WFS1: variants seen among roughly 807,000 people sequenced by gnomAD.
WFS1 encodes wolframin ER transmembrane glycoprotein.
A neutral mutation model predicts 68.5 loss-of-function variants in WFS1; 90 were observed. The ratio of observed to expected loss-of-function variants is 1.31; its 90% CI spans 1.11 to 1.56. WFS1 has a LOEUF of 1.56. Among genes scored for constraint, WFS1 ranks in the 40% most tolerant of loss-of-function variants. The pLI, the probability that WFS1 is intolerant of heterozygous loss-of-function variation, is 0.00. For synonymous variants in WFS1, 860 were observed against 540.7 expected (o/e 1.59, Z -8.19); for missense variants, 1,767 against 1,232.6 (o/e 1.43, Z -6.49).
chr4:6,280,910 A>G (rs893160939), intron 2 of WFS1, among the ~76,000 whole-genome samples: 2 of 152,226 alleles, frequency 1.3e-5, no homozygotes, highest in African/African-American at 4.8e-5. Context: ...GTCTCCGAGC[A>G]GCAGCACTCT....
At chr4:6,295,218 G>C (rs954826295) in intron 7 of WFS1, 29 bp downstream of exon 7, 2 of 1,609,682 alleles carry the variant, frequency 1.2e-6, no homozygotes, top group African/African-American at 2.7e-5. Context: ...GGTCAGGCCG[G>C]AGCCTGCCTC....
In WFS1 at chr4:6,300,951, C is replaced by T; in HGVS notation, c.1156C>T (p.Pro386Ser). ...CACCGACCTGCTGCTGCGCTTCGAGCCCAACCTGGATGTGGAGCAGGCCGA... is the reference window on the plus strand; with the variant it reads ...CACCGACCTGCTGCTGCGCTTCGAGTCCAACCTGGATGTGGAGCAGGCCGA... ...TLTDLLLRFE[P>S]NLDVEQAEVN... Residue 386 changes from proline (P) to serine (S), a missense_variant, in exon 8 of 8, where the codon CCC becomes TCC. Transcript: ENST00000226760. 1.9e-6 allele frequency: 3 copies of T among 1,614,030 alleles called. No individual in the cohort carries two copies. Among genetic ancestry groups the T allele is most frequent in the African/African-American group, 1.3e-5 (1 of 75,028 alleles).
intron 2 of WFS1, among the ~76,000 whole-genome samples, chr4:6,280,448 G>A (rs1377999577): frequency 6.6e-6 from 1 of 152,182 alleles, no homozygotes; most frequent in East Asian, 1.9e-4. Flanking sequence ...CTGGTCCCAG[G>A]TGACCCAGCA....
In WFS1 at chr4:6,287,290, C is replaced by G. The variant is rs1730342623; in HGVS notation, c.315+115C>G. The G allele has an allele frequency of 1.0e-6, 1 of 960,660 alleles. No individual in the cohort carries two copies. The highest frequency in any genetic ancestry group is 2.0e-5 in the Admixed American group (1 of 50,034). 59.5% of individuals were successfully genotyped at this position (960,660 alleles called of 1,614,324 possible). A position where few individuals can be genotyped will look rare whatever the true frequency, so the allele number is the denominator to read the frequency against. On this transcript the variant is annotated intron_variant, in intron 3 of 7. Transcript: ENST00000226760. This position sits in a 1 kb window ranked among gnomAD's most constrained non-coding sequence, Gnocchi z 6.4. ...CGGTGCCTGAGATCGGGGTCAGGAG[C>G]CAGCGTGGTGCACCCTACCCCACTT...
At chr4:6,281,447 T>A (rs1730167515) in intron 2 of WFS1, among the ~76,000 whole-genome samples, 1 of 151,916 alleles carries the variant, frequency 6.6e-6, no homozygotes, top group African/African-American at 2.4e-5. Flanking sequence ...AGATGGATTG[T>A]TTACATTAAA....
At position 6,293,651 on chromosome 4, in the gene WFS1, C is replaced by T. The variant is rs149190688; in HGVS notation, c.713-1390C>T. ...CAGGCCCGGGGCCCTTGCTGCCACA[C>T]TGGCTGCTCCTTCTTGGGGTCCCTA... On this transcript the variant is annotated intron_variant, in intron 6 of 7. Coordinates refer to ENST00000226760, the MANE Select transcript of WFS1 (RefSeq NM_006005.3). Among the ~76,000 whole-genome samples, 515 of 152,340 alleles carry T rather than the reference C, an allele frequency of 3.4e-3. 18 individuals are homozygous for T. The highest frequency in any genetic ancestry group is 0.03 in the Admixed American group (452 of 15,310).
rs553336498 is a variant in WFS1 at position 6,301,641 on chromosome 4, G to T, written c.1846G>T (p.Ala616Ser). ...VPLLLRWWTK[A>S]SFSVVGMVKS... ...CCTGCTGTTGCGCTGGTGGACCAAG[G>T]CCAGCTTCTCTGTGGTGGGGATGGT... The change falls in exon 8 of 8, where the codon GCC (alanine) becomes TCC (serine). Residue 616 changes from alanine to serine, a missense_variant. Coordinates refer to ENST00000226760, the MANE Select transcript of WFS1 (RefSeq NM_006005.3). The T allele has an allele frequency of 1.9e-5, 31 of 1,614,124 alleles. No individual in the cohort carries two copies. The East Asian group carries it at 6.9e-4, about 36-fold the overall frequency.
At chr4:6,277,771 C>A in intron 2 of WFS1, 84 bp downstream of exon 2, 2 of 1,451,790 alleles carry the variant, frequency 1.4e-6, no homozygotes, top group Non-Finnish European at 1.9e-6. Flanking sequence ...CCTGGAGGGT[C>A]CCCCCGCCAG....
rs929875259 is a variant in WFS1 at position 6,301,723 on chromosome 4, T to C, written c.1928T>C (p.Ile643Thr). 1.2e-6 allele frequency: 2 copies of C among 1,614,022 alleles called. No homozygotes were observed. The highest frequency in any genetic ancestry group is 8.5e-7 in the Non-Finnish European group (1 of 1,180,032). Residue 643 changes from isoleucine to threonine, a missense_variant, in exon 8 of 8, where the codon ATC (isoleucine) becomes ACC (threonine). By Grantham distance (89) the Ile-to-Thr change is moderately conservative (BLOSUM62 -1). Transcript: ENST00000226760. ...CTCATCCTGGTGTGGCTCACGGCCA[T>C]CGTGCTGTTCTGCTGGTTCTATGTG... Reference protein sequence around the residue: ...VKLILVWLTAIVLFCWFYVYR... With the variant: ...VKLILVWLTATVLFCWFYVYR...
Position 6,300,932 on chromosome 4 carries a change from C to T in WFS1, c.1137C>T (p.Asp379=). ...KAWENFRTLT[D]LLLRFEPNLD... ...GGGAGAACTTCCGCACCCTCACCGA[C>T]CTGCTGCTGCGCTTCGAGCCCAACC... is the stretch of plus-strand genomic sequence containing the variant. Residue 379 remains aspartate, a synonymous_variant, in exon 8 of 8, where the codon GAC becomes GAT. Coordinates refer to ENST00000226760, the MANE Select transcript of WFS1 (RefSeq NM_006005.3). 6.2e-7 allele frequency: 1 copy of T among 1,614,228 alleles called. No homozygotes were observed. The highest frequency in any genetic ancestry group is 8.5e-7 in the Non-Finnish European group (1 of 1,180,034).
At chr4:6,270,655 C>T (rs1729810305) in intron 1 of WFS1, among the ~76,000 whole-genome samples, 1 of 152,228 alleles carries the variant, frequency 6.6e-6, no homozygotes, top group South Asian at 2.1e-4. Flanking sequence ...GAACTCCACC[C>T]TCTGGATCAT....
rs765322804 is a variant in WFS1, at chr4:6,301,744, A to G, written c.1949A>G (p.Tyr650Cys). The change falls in exon 8 of 8, where the codon TAT (tyrosine) becomes TGT (cysteine). Residue 650 changes from tyrosine (Y) to cysteine (C), a missense_variant. Coordinates refer to ENST00000226760, the MANE Select transcript of WFS1 (RefSeq NM_006005.3). The stretch of plus-strand genomic sequence containing the variant: ...GCCATCGTGCTGTTCTGCTGGTTCT[A>G]TGTGTACCGCTCAGAGGGCATGAAG... ...LTAIVLFCWF[Y>C]VYRSEGMKVY... The G allele has an allele frequency of 4.2e-5, 68 of 1,613,672 alleles. No homozygotes were observed. Among genetic ancestry groups the G allele is most frequent in the East Asian group, 1.6e-4 (7 of 44,864 alleles).
chr4:6,274,993 G>A (rs750144197), intron 1 of WFS1, among the ~76,000 whole-genome samples: 11 of 152,176 alleles, frequency 7.2e-5, no homozygotes, highest in Non-Finnish European at 1.6e-4. Flanking sequence ...GTGAAGTGGG[G>A]TGAGGTTGAA....
chr4:6,291,456 C>T, intron 5 of WFS1, 89 bp downstream of exon 5: 1 of 1,525,610 alleles, frequency 6.6e-7, no homozygotes, highest in Non-Finnish European at 8.9e-7. Flanking sequence ...TGGGACCTTC[C>T]CTCAGGGGCT....
intron 1 of WFS1, among the ~76,000 whole-genome samples, chr4:6,273,227 A>G (rs562542806): frequency 1.4e-4 from 22 of 152,374 alleles, no homozygotes; most frequent in African/African-American, 5.1e-4. Context: ...GAGTGGATGC[A>G]TGGTGCCTGC....
In WFS1 at chr4:6,287,322, C is replaced by T; in HGVS notation, c.315+147C>T. 1 of 728,178 alleles carries T rather than the reference C, an allele frequency of 1.4e-6. No individual in the cohort carries two copies. The highest frequency in any genetic ancestry group is 2.4e-6 in the Non-Finnish European group (1 of 414,800). The allele number at this position is 728,178 out of a possible 1,614,324, so 45.1% of individuals were successfully genotyped here. On this transcript the variant is annotated intron_variant, in intron 3 of 7. Coordinates refer to ENST00000226760, the MANE Select transcript of WFS1 (RefSeq NM_006005.3). This position sits in a 1 kb window ranked among gnomAD's most constrained non-coding sequence, Gnocchi z 6.4. Reference sequence around the variant, plus strand: ...GGTGCACCCTACCCCACTTGAGCCCCATGTTGGTAGGGTGCCCATGTTCAC... The same window carrying T: ...GGTGCACCCTACCCCACTTGAGCCCTATGTTGGTAGGGTGCCCATGTTCAC...
At position 6,302,379 on chromosome 4, in the gene WFS1, A is replaced by G; in HGVS notation, c.2584A>G (p.Lys862Glu). Reference sequence around the variant, plus strand: ...GCTCTCACCCACCAGGCGGCACGTGAAGATCGAGCACGACTGGCGCAGCAC... The same window carrying G: ...GCTCTCACCCACCAGGCGGCACGTGGAGATCGAGCACGACTGGCGCAGCAC... ...AQLSPTRRHVKIEHDWRSTVH... is the reference protein window; with the variant it reads ...AQLSPTRRHVEIEHDWRSTVH... The change falls in exon 8 of 8, where the codon AAG becomes GAG. Residue 862 changes from lysine to glutamate, a missense_variant. By Grantham distance (56) the Lys-to-Glu change is moderately conservative. Coordinates refer to ENST00000226760, the MANE Select transcript of WFS1 (RefSeq NM_006005.3). 1 of 1,613,062 alleles carries G rather than the reference A, an allele frequency of 6.2e-7. No homozygotes were observed. The highest frequency in any genetic ancestry group is 8.5e-7 in the Non-Finnish European group (1 of 1,179,958).
chr4:6,285,155 T>C, intron 2 of WFS1, among the ~76,000 whole-genome samples: 1 of 151,284 alleles, frequency 6.6e-6, no homozygotes, highest in East Asian at 1.9e-4. Flanking sequence ...TGTGCAAGAG[T>C]TGCGTCCAGG....
In WFS1 at chr4:6,302,830, TTTC is replaced by T. The variant is rs767937302; in HGVS notation, c.*365_*367del. The T allele has an allele frequency of 1.9e-5, 7 of 361,218 alleles. No individual in the cohort carries two copies. Among genetic ancestry groups the T allele is most frequent in the Admixed American group, 4.4e-5 (1 of 22,936 alleles). The allele number at this position is 361,218 out of a possible 1,614,324, so 22.4% of individuals were successfully genotyped here. A position where few individuals can be genotyped will look rare whatever the true frequency, so the allele number is the denominator to read the frequency against. On this transcript the variant is annotated 3_prime_UTR_variant, in exon 8 of 8. Transcript: ENST00000226760. ...CTTCAAGCACCCTGTTCCCTCTTTC[TTTC>T]TTTTGTGTTGGATTTGTTTAAAAAC...
Sources: allele counts gnomAD v4.1 joint callset (sites outside exome capture counted in the v4.1 genomes callset), GRCh38; gene constraint gnomAD v4.1.1; non-coding constraint Gnocchi (gnomAD v3.1); transcripts MANE v1.5; gene names NCBI Gene and HGNC (gene_info 2026-07-23, HGNC 2026-07-21).